Variants in LPAR6 observed in about 807,000 individuals in gnomAD.
The protein encoded by LPAR6 is G-protein coupled purinergic receptor P2Y5.
Under a neutral mutation model 22.0 loss-of-function variants are expected in LPAR6, and 17 were observed. That is an observed-to-expected ratio of 0.77 (90% CI 0.53 to 1.16). The LOEUF is 1.16. Ranked by LOEUF, LPAR6 falls within the 50% of genes most tolerant of loss-of-function variation. The pLI is 0.00. For synonymous variants in LPAR6, 136 were observed against 139.8 expected, an observed-to-expected ratio of 0.97 and a Z score of 0.19; for missense variants, 384 against 406.9, an observed-to-expected ratio of 0.94 and a Z score of 0.48.
At chr13:48,433,953 G>T (rs1191233625) in intron 1 of LPAR6, among the ~76,000 whole-genome samples, 1 of 151,444 alleles carries the variant, frequency 6.6e-6, no homozygotes, top group East Asian at 1.9e-4. Context: ...TGAACTCCTG[G>T]ACTCAAGTTA....
chr13:48,397,117 A>G (rs190988808), intron 1 of LPAR6, among the ~76,000 whole-genome samples: 10 of 152,282 alleles, frequency 6.6e-5, no homozygotes, highest in African/African-American at 1.9e-4. Flanking sequence ...GCCAGAAATA[A>G]TATTTGACCC....
chr13:48,417,368 A>G (rs555758444), upstream of LPAR6: 1 of 152,456 alleles, frequency 6.6e-6, no homozygotes, highest in East Asian at 1.9e-4. Context: ...ACAAACAGAA[A>G]TGAATAGCAT....
At chr13:48,408,020 T>C (rs141976188), downstream of LPAR6, among the ~76,000 whole-genome samples, 81 of 152,244 alleles carry the variant, frequency 5.3e-4, no homozygotes, top group East Asian at 0.015. Flanking sequence ...CAAAAAGCAA[T>C]TGCTTCAGAT....
chr13:48,434,004 A>G (rs985418808), intron 1 of LPAR6, among the ~76,000 whole-genome samples: 5 of 152,030 alleles, frequency 3.3e-5, no homozygotes, highest in African/African-American at 1.2e-4. Context: ...GATTATAGGC[A>G]TGAGCCACTG....
intron 1 of LPAR6, among the ~76,000 whole-genome samples, chr13:48,424,910 C>A (rs1949058202): frequency 6.6e-6 from 1 of 151,842 alleles, no homozygotes; most frequent in Non-Finnish European, 1.5e-5. Flanking sequence ...AAATGTTATC[C>A]AGGTGTGGTG....
chr13:48,401,361 A>G (rs899899597), intron 1 of LPAR6: 4 of 152,176 alleles, frequency 2.6e-5, no homozygotes, highest in Non-Finnish European at 5.9e-5. Context: ...AGAAACAAAG[A>G]AGAGAAATAG....
rs142951488 is a variant in LPAR6, at chr13:48,438,641, G to A, written c.-1474+5912C>T. On this transcript the variant is annotated intron_variant, in intron 1 of 6. Transcript: ENST00000378434. ...TCAAACAGTTTGGAACTGTGTCCTG[G>A]ATCCACCACTTATTCATGTGACTGG... Among the ~76,000 whole-genome samples the A allele has an allele frequency of 2.7e-3, 408 of 151,964 alleles. 4 individuals are homozygous for A. The highest frequency in any genetic ancestry group is 9.4e-3 in the African/African-American group (389 of 41,464).
At chr13:48,415,260 G>GT (rs1948888488), upstream of LPAR6, among the ~76,000 whole-genome samples, 1 of 151,138 alleles carries the variant, frequency 6.6e-6, no homozygotes, top group Non-Finnish European at 1.5e-5. Flanking sequence ...TTCATCTATA[G>GT]TTTTTTCTTT....
At chr13:48,406,566 T>C (rs1391156732), downstream of LPAR6, 1 of 152,242 alleles carries the variant, frequency 6.6e-6, no homozygotes, top group Non-Finnish European at 1.5e-5. Flanking sequence ...CTTGAAATTC[T>C]TGAGGACTTT....
intron 1 of LPAR6, among the ~76,000 whole-genome samples, chr13:48,397,875 A>C (rs986460001): frequency 2.0e-5 from 3 of 152,160 alleles, no homozygotes; most frequent in Non-Finnish European, 4.4e-5. Flanking sequence ...TGAAAAAACC[A>C]AAAAGGATAT....
chr13:48,437,200 G>A (rs1455712845), intron 1 of LPAR6, among the ~76,000 whole-genome samples: 2 of 152,194 alleles, frequency 1.3e-5, no homozygotes, highest in East Asian at 1.9e-4. Flanking sequence ...GCAAAACAGA[G>A]TGAAGCGTTG....
chr13:48,438,487 A>G (rs1203340979), intron 1 of LPAR6, among the ~76,000 whole-genome samples: 1 of 152,110 alleles, frequency 6.6e-6, no homozygotes, highest in Non-Finnish European at 1.5e-5. Context: ...TCTGATTTTC[A>G]TGGCACCCTG....
chr13:48,403,066 G>C (rs1375196596), intron 1 of LPAR6, among the ~76,000 whole-genome samples: 1 of 152,026 alleles, frequency 6.6e-6, no homozygotes, highest in Non-Finnish European at 1.5e-5. Context: ...GGTAAAATTA[G>C]TTGGAAAATT....
rs541898186 is a variant in LPAR6, at chr13:48,432,538, C to T, written c.-1473-8419G>A. On this transcript the variant is annotated intron_variant, in intron 1 of 6. Coordinates refer to the LPAR6 transcript ENST00000378434. ...ACAGTTCCATTTCAGTCACATTCCA[C>T]CCTGACTTGTCTCTTCTCACCATTC... Among the ~76,000 whole-genome samples, 6 of 152,010 alleles carry T rather than the reference C, an allele frequency of 3.9e-5. No individual in the cohort carries two copies. The South Asian group carries it at 1.0e-3, about 26-fold the overall frequency.
chr13:48,410,062 A>C (rs1024485787), downstream of LPAR6, among the ~76,000 whole-genome samples: 1 of 152,142 alleles, frequency 6.6e-6, no homozygotes, highest in African/African-American at 2.4e-5. Context: ...TGTGTCCTTA[A>C]TTAATCATTT....
intron 1 of LPAR6, among the ~76,000 whole-genome samples, chr13:48,402,918 T>G (rs1948706033): frequency 6.6e-6 from 1 of 152,138 alleles, no homozygotes; most frequent in African/African-American, 2.4e-5. Context: ...TGCTAAGTCT[T>G]AAGTAGTATT....
intron 1 of LPAR6, chr13:48,439,891 T>C (rs1429290927): frequency 1.3e-5 from 2 of 152,172 alleles, no homozygotes; most frequent in African/African-American, 4.8e-5. Flanking sequence ...CAGAAATTTA[T>C]ATCAGAATTA....
intron 1 of LPAR6, among the ~76,000 whole-genome samples, chr13:48,405,735 A>T (rs1269564417): frequency 6.6e-6 from 1 of 152,254 alleles, no homozygotes. Context: ...ACAAAAAGGT[A>T]TAATCTGAAA....
At chr13:48,421,886 G>A (rs1258086442) in intron 2 of LPAR6, among the ~76,000 whole-genome samples, 1 of 152,210 alleles carries the variant, frequency 6.6e-6, no homozygotes, top group Non-Finnish European at 1.5e-5. Context: ...TGGAGAGGAT[G>A]TGGAGAATAG....
Sources: gnomAD v4.1 joint callset for allele counts (sites outside exome capture counted in the v4.1 genomes callset) on GRCh38, gnomAD v4.1.1 for gene constraint, MANE v1.5 for transcripts, NCBI Gene and HGNC (gene_info 2026-07-23, HGNC 2026-07-21) for gene names.